PCDHA12: variants seen among roughly 807,000 people sequenced by gnomAD.
PCDHA12 encodes the protein protocadherin alpha 12.
Under a neutral mutation model 60.0 loss-of-function variants are expected in PCDHA12, and 44 were observed. That is an observed-to-expected ratio of 0.73 (90% CI 0.58 to 0.94). The LOEUF is 0.94. Ranked by LOEUF, PCDHA12 falls within the 40% of genes least tolerant of loss-of-function variation. The pLI is 0.00. For synonymous variants in PCDHA12, 569 were observed against 553.0 expected, an observed-to-expected ratio of 1.03 and a Z score of -0.40; for missense variants, 1,276 against 1,239.7, an observed-to-expected ratio of 1.03 and a Z score of -0.44.
intron 1 of PCDHA12, chr5:140,882,650 G>A (rs782695823): frequency 8.1e-6 from 13 of 1,614,212 alleles, no homozygotes; most frequent in Non-Finnish European, 8.5e-6. Context: ...GGACATTAAC[G>A]ACAACCCGCC....
chr5:140,925,455 T>TTG, intron 1 of PCDHA12, among the ~76,000 whole-genome samples: 1 of 152,222 alleles, frequency 6.6e-6, no homozygotes, highest in East Asian at 1.9e-4. Flanking sequence ...GGTGTATCTG[T>TTG]TGTGGCTCAG....
intron 1 of PCDHA12, among the ~76,000 whole-genome samples, chr5:140,895,293 G>A (rs759197253): frequency 5.9e-5 from 9 of 151,430 alleles, no homozygotes; most frequent in African/African-American, 9.7e-5. Flanking sequence ...TAGGACCTTC[G>A]ATTTCCCCCC....
chr5:140,985,887 C>A (rs765609645), intron 3 of PCDHA12, among the ~76,000 whole-genome samples: 2 of 151,840 alleles, frequency 1.3e-5, no homozygotes, highest in Non-Finnish European at 2.9e-5. Context: ...CTACAGGCGC[C>A]CGCCACCACT....
chr5:140,883,870 G>T, intron 1 of PCDHA12: 1 of 1,613,302 alleles, frequency 6.2e-7, no homozygotes, highest in South Asian at 1.1e-5. Context: ...TGCAGTTCCA[G>T]GTGAGCGCGC....
rs1486746921 is a variant in PCDHA12 at position 141,009,728 on chromosome 5, G to A, written c.2617G>A (p.Gly873Ser). Residue 873 changes from glycine (G) to serine (S), a missense_variant, in exon 4 of 4, where the codon GGT becomes AGT. Gly to Ser is a moderately conservative substitution (Grantham distance 56). Coordinates refer to ENST00000398631, the MANE Select transcript of PCDHA12 (RefSeq NM_018903.4). The part of the protein sequence containing the change: ...GPGNPKQSGP[G>S]ELPDKFIIPG... ...AGGCAACCCCAAACAATCCGGTCCC[G>A]GTGAGTTGCCCGACAAATTCATTAT... The A allele has an allele frequency of 3.1e-6, 5 of 1,613,998 alleles. No homozygotes were observed. The highest frequency in any genetic ancestry group is 2.2e-5 in the East Asian group (1 of 44,874).
intron 1 of PCDHA12, among the ~76,000 whole-genome samples, chr5:140,971,989 T>C (rs1183313679): frequency 1.3e-5 from 2 of 152,170 alleles, no homozygotes; most frequent in African/African-American, 4.8e-5. Context: ...AGACAGAAGT[T>C]CCAATGTTTA....
intron 1 of PCDHA12, among the ~76,000 whole-genome samples, chr5:140,955,262 C>T (rs1473601347): frequency 1.3e-5 from 2 of 152,044 alleles, no homozygotes; most frequent in African/African-American, 4.8e-5. Flanking sequence ...TATAAAGGCT[C>T]TTTTTTGGTT....
At chr5:140,992,208 A>G (rs2097499240) in intron 3 of PCDHA12, among the ~76,000 whole-genome samples, 1 of 152,150 alleles carries the variant, frequency 6.6e-6, no homozygotes, top group African/African-American at 2.4e-5. Context: ...AATCAGATAA[A>G]CTACTCTCCC....
At position 141,006,497 on chromosome 5, in the gene PCDHA12, G is replaced by C. The variant is rs575942325; in HGVS notation, c.2516-3130G>C. Among the ~76,000 whole-genome samples the C allele has an allele frequency of 2.6e-5, 4 of 152,288 alleles. No homozygotes were observed. In the South Asian group the frequency reaches 8.3e-4, roughly 32 times the overall value. ...CAAAGTGCTGGGATTACATGTGTGA[G>C]CCACCGCGCCTGGCTGTTATACATC... On this transcript the variant is annotated intron_variant, in intron 3 of 3. Transcript: ENST00000398631.
intron 1 of PCDHA12, among the ~76,000 whole-genome samples, chr5:140,938,718 G>A (rs1186763511): frequency 5.3e-5 from 8 of 151,986 alleles, no homozygotes; most frequent in Non-Finnish European, 1.0e-4. Flanking sequence ...ATAGAAACGC[G>A]TTTCTACAGA....
chr5:140,981,794 T>G (rs1290588653), intron 2 of PCDHA12, among the ~76,000 whole-genome samples: 2 of 152,150 alleles, frequency 1.3e-5, no homozygotes, highest in Non-Finnish European at 2.9e-5. Flanking sequence ...CTCTTTTCCC[T>G]TGAACAGTTT....
At chr5:140,966,356 C>G (rs1300973653) in intron 1 of PCDHA12, 2 of 400,342 alleles carry the variant, frequency 5.0e-6, no homozygotes, top group Non-Finnish European at 8.8e-6. Flanking sequence ...GGAGATGGGG[C>G]TGGAGAGGCT....
At chr5:140,919,653 C>T (rs917457975) in intron 1 of PCDHA12, among the ~76,000 whole-genome samples, 1 of 152,158 alleles carries the variant, frequency 6.6e-6, no homozygotes, top group South Asian at 2.1e-4. Context: ...CTAGAGTTTA[C>T]CATATATATT....
chr5:140,966,413 A>G, intron 1 of PCDHA12: 2 of 419,134 alleles, frequency 4.8e-6, no homozygotes, highest in South Asian at 1.0e-4. Flanking sequence ...GAATCAGAGC[A>G]GGACTTGCTG....
At chr5:140,968,781 C>G in intron 1 of PCDHA12, 1 of 1,614,182 alleles carries the variant, frequency 6.2e-7, no homozygotes. Context: ...TCACTATCAG[C>G]CTCTGTGGCC....
chr5:140,967,565 C>A, intron 1 of PCDHA12: 1 of 1,614,080 alleles, frequency 6.2e-7, no homozygotes, highest in Non-Finnish European at 8.5e-7. Context: ...CGTCCAGCTA[C>A]GGGAGGACTC....
chr5:140,946,611 A>AATATATAGATATATATATATAT (rs2093974557), intron 1 of PCDHA12, among the ~76,000 whole-genome samples: 1 of 86,814 alleles, frequency 1.2e-5, no homozygotes, highest in Non-Finnish European at 2.1e-5. Context: ...GAAAATGTGA[A>AATATATAGATATATATATATAT]ATATATATAT....
At chr5:141,001,476 G>A (rs1554258187) in intron 3 of PCDHA12, among the ~76,000 whole-genome samples, 1 of 152,226 alleles carries the variant, frequency 6.6e-6, no homozygotes, top group Admixed American at 6.5e-5. Flanking sequence ...CAGCAGCGGG[G>A]AAGTGCTGGA....
At position 141,011,260 on chromosome 5, in the gene PCDHA12, C is replaced by T. The variant is rs2098420018; in HGVS notation, c.*1323C>T. On this transcript the variant is annotated 3_prime_UTR_variant, in exon 4 of 4. Coordinates refer to ENST00000398631, the MANE Select transcript of PCDHA12 (RefSeq NM_018903.4). ...TGACTTGTCTTGGTGTGCTAGCCTA[C>T]ACCTTCTCTTTGGTTTAGTTTTCCT... The T allele has an allele frequency of 6.5e-6, 1 of 153,766 alleles. No individual in the cohort carries two copies. The highest frequency in any genetic ancestry group is 6.5e-5 in the Admixed American group (1 of 15,278). 9.5% of individuals were successfully genotyped at this position (153,766 alleles called of 1,614,324 possible).
Sources: gnomAD v4.1 joint callset for allele counts (sites outside exome capture counted in the v4.1 genomes callset) on GRCh38, gnomAD v4.1.1 for gene constraint, MANE v1.5 for transcripts, NCBI Gene and HGNC (gene_info 2026-07-23, HGNC 2026-07-21) for gene names.